PROSER2: variants seen among roughly 807,000 people sequenced by gnomAD.
The protein encoded by PROSER2 is proline and serine-rich protein 2.
Under a neutral mutation model 14.6 loss-of-function variants are expected in PROSER2, and 18 were observed. The ratio of observed to expected loss-of-function variants is 1.23; its 90% CI spans 0.85 to 1.83. The LOEUF is 1.83. PROSER2 is among the 40% of genes most tolerant of loss of function. The pLI is 0.00. For missense variants in PROSER2, 823 were observed against 629.8 expected, an observed-to-expected ratio of 1.31 and a Z score of -3.28; for synonymous variants, 367 against 286.4, an observed-to-expected ratio of 1.28 and a Z score of -2.84.
chr10:11,852,792 G>C (rs529851055), intron 2 of PROSER2, among the ~76,000 whole-genome samples: 2 of 150,788 alleles, frequency 1.3e-5, no homozygotes, highest in Admixed American at 1.3e-4. Context: ...AAAGTGCTGG[G>C]ATTATAGGCG....
chr10:11,848,644 C>G (rs1833962883), intron 1 of PROSER2, among the ~76,000 whole-genome samples: 3 of 152,154 alleles, frequency 2.0e-5, no homozygotes, highest in Admixed American at 1.3e-4. Flanking sequence ...CTTGGTGCCC[C>G]CCTACCTGTC....
At chr10:11,827,508 G>A (rs1029511793) in intron 1 of PROSER2, among the ~76,000 whole-genome samples, 8 of 151,854 alleles carry the variant, frequency 5.3e-5, no homozygotes, top group Admixed American at 2.0e-4. Flanking sequence ...GCTTCTCCTC[G>A]GAAGCCAGTT....
chr10:11,842,928 G>GTTTTTTTTTTTTT (rs1554766492), intron 1 of PROSER2, among the ~76,000 whole-genome samples: 1 of 51,714 alleles, frequency 1.9e-5, no homozygotes, highest in Non-Finnish European at 4.3e-5. Context: ...TTTTGCCATT[G>GTTTTTTTTTTTTT]TTCTTTTTTT....
chr10:11,870,592 A>G lies in PROSER2; in HGVS notation c.*186A>G. The G allele has an allele frequency of 4.1e-6, 2 of 485,874 alleles. No individual in the cohort carries two copies. The highest frequency in any genetic ancestry group is 7.3e-6 in the Non-Finnish European group (2 of 272,176). The allele number at this position is 485,874 out of a possible 1,614,324, so 30.1% of individuals were successfully genotyped here. The stretch of plus-strand genomic sequence containing the variant: ...TGGCTGAGCACGCACCGCAAGCTCC[A>G]GCCACCGGCACAGAGAACTCTTCCC... On this transcript the variant is annotated 3_prime_UTR_variant, in exon 4 of 4. Coordinates refer to ENST00000277570, the MANE Select transcript of PROSER2 (RefSeq NM_153256.4).
chr10:11,834,942 A>G (rs1386633051), intron 1 of PROSER2, among the ~76,000 whole-genome samples: 3 of 151,934 alleles, frequency 2.0e-5, no homozygotes, highest in Non-Finnish European at 4.4e-5. Context: ...CCCTGTGTCT[A>G]CTAAAAATAC....
chr10:11,834,011 T>G lies in PROSER2; in HGVS notation c.-82+10541T>G, dbSNP rs1278695318. Reference sequence around the variant, plus strand: ...TTTTTTTTTTTTTTTTTTTTTTTTTTTGAGATAGAGTCTCGCTCTGTCGCC... The same window carrying G: ...TTTTTTTTTTTTTTTTTTTTTTTTTGTGAGATAGAGTCTCGCTCTGTCGCC... On this transcript the variant is annotated intron_variant, in intron 1 of 3. Transcript: ENST00000277570. 5.9e-5 allele frequency among the ~76,000 whole-genome samples: 5 copies of G among 85,318 alleles called. No homozygotes were observed. The East Asian group carries it at 2.0e-3, about 35-fold the overall frequency. The allele number at this position is 85,318 out of a possible 152,430, so 56.0% of individuals were successfully genotyped here.
chr10:11,830,495 G>C lies in PROSER2; in HGVS notation c.-82+7025G>C, dbSNP rs1364965013. Among the ~76,000 whole-genome samples, 1 of 152,194 alleles carries C rather than the reference G, an allele frequency of 6.6e-6. No individual in the cohort carries two copies. Among genetic ancestry groups the C allele is most frequent in the Non-Finnish European group, 1.5e-5 (1 of 68,042 alleles). ...ACAGCGCCGCGGTAAAGATGCAAGT[G>C]CAGGTGTCTTTTGATGTAATGATTT... On this transcript the variant is annotated intron_variant, in intron 1 of 3. Coordinates refer to ENST00000277570, the MANE Select transcript of PROSER2 (RefSeq NM_153256.4). This position sits in a 1 kb window ranked among gnomAD's most constrained non-coding sequence, Gnocchi z 4.5.
At position 11,836,355 on chromosome 10, in the gene PROSER2, C is replaced by G. The variant is rs899042740; in HGVS notation, c.-82+12885C>G. The stretch of plus-strand genomic sequence containing the variant: ...GGGATTACGGGCGCATACCACCACA[C>G]CCGGCTAATTTTTGCATTTTTGGTA... On this transcript the variant is annotated intron_variant, in intron 1 of 3. Coordinates refer to ENST00000277570, the MANE Select transcript of PROSER2 (RefSeq NM_153256.4). The surrounding 1 kb of genome is among the most constrained non-coding windows in gnomAD (Gnocchi z 4.6). Among the ~76,000 whole-genome samples the G allele has an allele frequency of 2.0e-5, 3 of 152,052 alleles. No homozygotes were observed. The highest frequency in any genetic ancestry group is 2.0e-4 in the Admixed American group (3 of 15,258).
intron 2 of PROSER2, among the ~76,000 whole-genome samples, chr10:11,854,644 G>A (rs1834088818): frequency 6.7e-6 from 1 of 148,370 alleles, no homozygotes; most frequent in East Asian, 2.0e-4. Flanking sequence ...TGCAACCTCT[G>A]CCTCCTGGTT....
Position 11,869,384 on chromosome 10 carries a change from T to A in PROSER2, c.392-106T>A. 1 of 783,650 alleles carries A rather than the reference T, an allele frequency of 1.3e-6. No homozygotes were observed. Among genetic ancestry groups the A allele is most frequent in the Admixed American group, 2.2e-5 (1 of 46,130 alleles). 48.5% of individuals were successfully genotyped at this position (783,650 alleles called of 1,614,324 possible). The stretch of plus-strand genomic sequence containing the variant: ...GACTCACAGGCAGCACCGGCGAAGT[T>A]GGTGTCAGGTCCAGGTTGAGGCTCT... On this transcript the variant is annotated intron_variant, in intron 3 of 3. Transcript: ENST00000277570. The surrounding 1 kb of genome is among the most constrained non-coding windows in gnomAD (Gnocchi z 4.4).
intron 1 of PROSER2, among the ~76,000 whole-genome samples, chr10:11,829,339 C>G (rs12354730): frequency 0.05 from 7,540 of 151,472 alleles, 237 homozygotes; most frequent in Non-Finnish European, 0.068. Flanking sequence ...AATCCCAACA[C>G]TTTGGGAGGC....
At chr10:11,859,465 A>G (rs922150032) in intron 2 of PROSER2, among the ~76,000 whole-genome samples, 1 of 152,186 alleles carries the variant, frequency 6.6e-6, no homozygotes, top group African/African-American at 2.4e-5. Flanking sequence ...AAGGGAATTT[A>G]CTTTTCTGCT....
chr10:11,868,313 C>A (rs1426247098), intron 3 of PROSER2, among the ~76,000 whole-genome samples: 3 of 152,198 alleles, frequency 2.0e-5, no homozygotes, highest in Admixed American at 1.3e-4. Context: ...ACTCTCTCTC[C>A]CACCCAGGCT....
rs934517251 is a variant in PROSER2, at chr10:11,866,702, C to T, written c.310C>T (p.Pro104Ser). 3 of 1,613,962 alleles carry T rather than the reference C, an allele frequency of 1.9e-6. No individual in the cohort carries two copies. The African/African-American group carries it at 4.0e-5, about 22-fold the overall frequency. ...GGAGAGCACCTCCAGTCCCTCCGAGCCTGAAGATGTCATCGACTTAGTGCA... is the reference window on the plus strand; with the variant it reads ...GGAGAGCACCTCCAGTCCCTCCGAGTCTGAAGATGTCATCGACTTAGTGCA... ...LEESTSSPSE[P>S]EDVIDLVQPA... Residue 104 changes from proline (P) to serine (S), a missense_variant, in exon 3 of 4, where the codon CCT (proline) becomes TCT (serine). Pro to Ser is a moderately conservative substitution (Grantham distance 74). Transcript: ENST00000277570. This position sits in a 1 kb window ranked among gnomAD's most constrained non-coding sequence, Gnocchi z 6.0.
chr10:11,842,980 G>A lies in PROSER2; in HGVS notation c.-81-9017G>A, dbSNP rs1434865634. Among the ~76,000 whole-genome samples the A allele has an allele frequency of 5.4e-5, 5 of 92,206 alleles. No individual in the cohort carries two copies. In the South Asian group the frequency reaches 1.1e-3, roughly 19 times the overall value. The allele number at this position is 92,206 out of a possible 152,430, so 60.5% of individuals were successfully genotyped here. On this transcript the variant is annotated intron_variant, in intron 1 of 3. Transcript: ENST00000277570. ...TTTTGAGATGGAGTCTTGCTCTGTC[G>A]CCCAGGCTGGAGTGCTGTGGCACGA...
intron 1 of PROSER2, chr10:11,851,329 A>G (rs1662070167): frequency 6.6e-6 from 1 of 152,224 alleles, no homozygotes; most frequent in Non-Finnish European, 1.5e-5. Flanking sequence ...CAACTTCCTC[A>G]TAGTTTTAAC....
intron 1 of PROSER2, 99 bp from the exon 2 acceptor site, chr10:11,851,898 T>G: frequency 1.9e-6 from 1 of 521,536 alleles, no homozygotes; most frequent in Non-Finnish European, 3.0e-6. Context: ...AATGGTCGAG[T>G]CTGAGAGTGG....
At chr10:11,854,886 A>C (rs545718842) in intron 2 of PROSER2, among the ~76,000 whole-genome samples, 1 of 152,130 alleles carries the variant, frequency 6.6e-6, no homozygotes, top group South Asian at 2.1e-4. Flanking sequence ...TATAAGTTTT[A>C]TTCTAACTCA....
intron 2 of PROSER2, among the ~76,000 whole-genome samples, chr10:11,861,165 T>C (rs993170434): frequency 6.6e-6 from 1 of 152,224 alleles, no homozygotes; most frequent in African/African-American, 2.4e-5. Context: ...ACATGATCTT[T>C]CCAAAATGCT....
Sources: gnomAD v4.1 joint callset for allele counts (sites outside exome capture counted in the v4.1 genomes callset) on GRCh38, gnomAD v4.1.1 for gene constraint, Gnocchi (gnomAD v3.1) non-coding constraint, MANE v1.5 for transcripts, NCBI Gene and HGNC (gene_info 2026-07-23, HGNC 2026-07-21) for gene names.